Variants in SYTL3 observed in about 807,000 individuals in gnomAD.
The protein encoded by SYTL3 is synaptotagmin-like protein 3.
In SYTL3, 88 loss-of-function variants were observed where a neutral mutation model predicts 82.1. The observed-to-expected ratio is 1.07, with a 90% confidence interval of 0.90 to 1.28. The LOEUF (loss-of-function observed/expected upper bound fraction) is 1.28. SYTL3 is among the 50% of genes most tolerant of loss of function. The pLI is 0.00. For synonymous variants in SYTL3, 311 were observed against 289.4 expected, an observed-to-expected ratio of 1.07 and a Z score of -0.76; for missense variants, 831 against 757.6, an observed-to-expected ratio of 1.10 and a Z score of -1.14.
At chr6:158,745,098 T>TATGCATAAGATGCGAAGGATGGGA (rs1787443977) in intron 11 of SYTL3, among the ~76,000 whole-genome samples, 2 of 152,056 alleles carry the variant, frequency 1.3e-5, no homozygotes, top group African/African-American at 4.8e-5. Context: ...CGCAGCCACT[T>TATGCATAAGATGCGAAGGATGGGA]AGCCCCAGAC....
In SYTL3 at chr6:158,682,941, A is replaced by G; in HGVS notation, c.346A>G (p.Thr116Ala). 1 of 1,613,544 alleles carries G rather than the reference A, an allele frequency of 6.2e-7. No homozygotes were observed. The highest frequency in any genetic ancestry group is 8.5e-7 in the Non-Finnish European group (1 of 1,179,498). Reference protein sequence around the residue: ...CFEDRNVKIKTGEWFYEERAK... With the variant: ...CFEDRNVKIKAGEWFYEERAK... ...TTTTTTCAGGAATGTCAAAATAAAA[A>G]CTGGAGAATGGTTCTATGAGGAACG... Residue 116 changes from threonine (T) to alanine (A), a missense_variant, in exon 6 of 18, where the codon ACT becomes GCT. Coordinates refer to ENST00000611299, the MANE Select transcript of SYTL3 (RefSeq NM_001242394.2).
At chr6:158,749,505 C>CTTTTT (rs1217000691) in intron 12 of SYTL3, among the ~76,000 whole-genome samples, 12 of 94,296 alleles carry the variant, frequency 1.3e-4, no homozygotes, top group Admixed American at 2.0e-4. Flanking sequence ...TTTTCTTTCT[C>CTTTTT]TCTTTTTTTT....
intron 15 of SYTL3, 38 bp from the exon 16 acceptor site, chr6:158,762,038 A>G (rs1412054320): frequency 6.8e-7 from 1 of 1,473,344 alleles, no homozygotes; most frequent in East Asian, 2.3e-5. Context: ...ACGTATCAGG[A>G]GACATGGTTT....
In SYTL3 at chr6:158,661,270, G is replaced by T. The variant is rs1789349471; in HGVS notation, c.-635G>T. 1 of 152,180 alleles carries T rather than the reference G, an allele frequency of 6.6e-6. No homozygotes were observed. Among genetic ancestry groups the T allele is most frequent in the Non-Finnish European group, 1.5e-5 (1 of 68,046 alleles). The allele number at this position is 152,180 out of a possible 1,614,324, so 9.4% of individuals were successfully genotyped here. On this transcript the variant is annotated splice_region_variant and 5_prime_UTR_variant, in exon 3 of 18. Transcript: ENST00000611299. ...TTCTATTACTTTCCTCTTTTCCAGA[G>T]ACTCAGAGCCTTGGGGCACTGAGGG...
At chr6:158,692,256 TCAAAAAAAAAAAAAAA>T (rs1779973864) in intron 6 of SYTL3, among the ~76,000 whole-genome samples, 1 of 9,078 alleles carries the variant, frequency 1.1e-4, no homozygotes, top group Non-Finnish European at 2.5e-4. Context: ...AGACTCCGTC[TCAAAAAAAAAAAAAAA>T]AAAAAAAAAA....
chr6:158,688,533 C>T (rs1779527925), intron 6 of SYTL3, among the ~76,000 whole-genome samples: 1 of 152,114 alleles, frequency 6.6e-6, no homozygotes, highest in South Asian at 2.1e-4. Context: ...GAGGTCAAAG[C>T]AGGAGGATCG....
intron 11 of SYTL3, among the ~76,000 whole-genome samples, chr6:158,727,730 C>G (rs913075203): frequency 4.5e-5 from 6 of 134,738 alleles, no homozygotes; most frequent in Admixed American, 7.9e-5. Context: ...GTTGCCCAGG[C>G]TGGAGTGCAG....
chr6:158,762,041 C>A, intron 15 of SYTL3, 35 bp from the exon 16 acceptor site: 1 of 1,495,034 alleles, frequency 6.7e-7, no homozygotes, highest in Non-Finnish European at 9.3e-7. Flanking sequence ...TATCAGGAGA[C>A]ATGGTTTGAC....
intron 6 of SYTL3, among the ~76,000 whole-genome samples, chr6:158,692,575 C>A (rs1405785274): frequency 6.6e-6 from 1 of 152,044 alleles, no homozygotes. Flanking sequence ...TCCGTCCCAT[C>A]ACAGGGTTAT....
At chr6:158,670,724 A>G (rs1011087436) in intron 5 of SYTL3, among the ~76,000 whole-genome samples, 1 of 152,174 alleles carries the variant, frequency 6.6e-6, no homozygotes, top group Non-Finnish European at 1.5e-5. Flanking sequence ...GAAGGTTGCA[A>G]TGAGCGGAGA....
chr6:158,761,165 A>C (rs1305365044), intron 15 of SYTL3, among the ~76,000 whole-genome samples: 1 of 152,174 alleles, frequency 6.6e-6, no homozygotes, highest in Non-Finnish European at 1.5e-5. Context: ...GCTGCCCAGC[A>C]AAAGAAGTAG....
chr6:158,748,497 C>G (rs1189222628), intron 12 of SYTL3, among the ~76,000 whole-genome samples: 1 of 152,118 alleles, frequency 6.6e-6, no homozygotes, highest in East Asian at 1.9e-4. Flanking sequence ...TAAAGCAGTG[C>G]TTATATTTAA....
intron 6 of SYTL3, among the ~76,000 whole-genome samples, chr6:158,683,885 C>T (rs1353689892): frequency 6.6e-6 from 1 of 152,090 alleles, no homozygotes; most frequent in Non-Finnish European, 1.5e-5. Context: ...GCATTTTGTC[C>T]GTATACTGTG....
At position 158,764,645 on chromosome 6, in the gene SYTL3, C is replaced by A; in HGVS notation, c.*41C>A. On this transcript the variant is annotated 3_prime_UTR_variant, in exon 18 of 18. Coordinates refer to ENST00000611299, the MANE Select transcript of SYTL3 (RefSeq NM_001242394.2). ...GTTCCAGGTTGCAGCAGGCGTGAGG[C>A]ACTGTGCGTCTGCAGAGGGGCTACG... 1 of 1,433,750 alleles carries A rather than the reference C, an allele frequency of 7.0e-7. No homozygotes were observed. The highest frequency in any genetic ancestry group is 9.8e-7 in the Non-Finnish European group (1 of 1,015,862). 88.8% of individuals were successfully genotyped at this position (1,433,750 alleles called of 1,614,324 possible). A position where few individuals can be genotyped will look rare whatever the true frequency, so the allele number is the denominator to read the frequency against.
intron 11 of SYTL3, among the ~76,000 whole-genome samples, chr6:158,732,287 C>T (rs551202000): frequency 4.6e-5 from 7 of 152,288 alleles, no homozygotes; most frequent in African/African-American, 1.7e-4. Context: ...TCACTCCTCC[C>T]AAGCACAAGG....
Position 158,660,992 on chromosome 6 carries a change from C to T in SYTL3, c.-636-277C>T, listed in dbSNP as rs1200109764. Among the ~76,000 whole-genome samples the T allele has an allele frequency of 2.6e-5, 4 of 152,132 alleles. 1 individual carries two copies. Among genetic ancestry groups the T allele is most frequent in the African/African-American group, 9.7e-5 (4 of 41,414 alleles). Reference sequence around the variant, plus strand: ...ATTGCTTGAGCCTGGGAGGCCAAGGCTGCAGTGAGCCATGATGGTGCCACT... The same window carrying T: ...ATTGCTTGAGCCTGGGAGGCCAAGGTTGCAGTGAGCCATGATGGTGCCACT... On this transcript the variant is annotated intron_variant, in intron 2 of 17. Coordinates refer to ENST00000611299, the MANE Select transcript of SYTL3 (RefSeq NM_001242394.2).
intron 6 of SYTL3, among the ~76,000 whole-genome samples, chr6:158,692,913 T>C (rs2128424159): frequency 6.6e-6 from 1 of 151,742 alleles, no homozygotes; most frequent in Middle Eastern, 3.4e-3. Flanking sequence ...ATCGTGCCAC[T>C]GCACTCCAGC....
chr6:158,662,494 A>G (rs1195301724), intron 3 of SYTL3, among the ~76,000 whole-genome samples: 1 of 152,210 alleles, frequency 6.6e-6, no homozygotes, highest in East Asian at 1.9e-4. Flanking sequence ...CAATTAGGGT[A>G]ATGTACATTA....
intron 5 of SYTL3, among the ~76,000 whole-genome samples, chr6:158,678,798 C>G (rs1244687566): frequency 1.3e-5 from 2 of 152,042 alleles, no homozygotes; most frequent in Non-Finnish European, 2.9e-5. Flanking sequence ...AGGCTTTTGC[C>G]TTTTGAGATA....
Sources: gnomAD v4.1 joint callset for allele counts (sites outside exome capture counted in the v4.1 genomes callset) on GRCh38, gnomAD v4.1.1 for gene constraint, MANE v1.5 for transcripts, NCBI Gene and HGNC (gene_info 2026-07-23, HGNC 2026-07-21) for gene names.